Variants in GALNT1 observed in about 807,000 individuals in gnomAD.
GALNT1 encodes the protein polypeptide N-acetylgalactosaminyltransferase 1, also known as GalNAc transferase 1.
A neutral mutation model predicts 65.7 loss-of-function variants in GALNT1; 17 were observed. The observed-to-expected ratio is 0.26, with a 90% CI of 0.18 to 0.39. GALNT1 has a LOEUF of 0.39. Ranked by LOEUF, GALNT1 falls within the 10% of genes least tolerant of loss-of-function variation. The pLI is 1.00. For missense variants in GALNT1, 460 were observed against 672.8 expected (o/e 0.68, Z 3.50); for synonymous variants, 210 against 219.7 (o/e 0.96, Z 0.39).
chr18:35,618,672 ATT>A (rs1555645793), intron 1 of GALNT1, among the ~76,000 whole-genome samples: 1 of 152,096 alleles, frequency 6.6e-6, no homozygotes, highest in Non-Finnish European at 1.5e-5. Flanking sequence ...TTTTCCAACA[ATT>A]TACTTAACTT....
At chr18:35,695,700 T>G (rs750532504) in intron 9 of GALNT1, among the ~76,000 whole-genome samples, 17 of 152,176 alleles carry the variant, frequency 1.1e-4, no homozygotes, top group Non-Finnish European at 5.9e-5. Flanking sequence ...TTAAGGAATT[T>G]GTTTTCAAAC....
chr18:35,644,467 T>C (rs927866140), intron 1 of GALNT1, among the ~76,000 whole-genome samples: 1 of 152,206 alleles, frequency 6.6e-6, no homozygotes, highest in African/African-American at 2.4e-5. Flanking sequence ...CTTTGGCTAC[T>C]AGGGGTAAGC....
intron 1 of GALNT1, among the ~76,000 whole-genome samples, chr18:35,605,009 A>G (rs1412532261): frequency 6.6e-6 from 1 of 152,208 alleles, no homozygotes; most frequent in Non-Finnish European, 1.5e-5. Flanking sequence ...TTTACTTTTC[A>G]TCTCAGATAT....
At chr18:35,706,742 G>A (rs2048268859) in intron 11 of GALNT1, among the ~76,000 whole-genome samples, 1 of 152,128 alleles carries the variant, frequency 6.6e-6, no homozygotes, top group Non-Finnish European at 1.5e-5. Flanking sequence ...GAGAAGTTGA[G>A]TTGCAATGCA....
At chr18:35,697,151 G>A (rs1014592334) in intron 9 of GALNT1, among the ~76,000 whole-genome samples, 1 of 152,128 alleles carries the variant, frequency 6.6e-6, no homozygotes, top group African/African-American at 2.4e-5. Flanking sequence ...AAAACCAACG[G>A]TTACTGTGTG....
At position 35,612,280 on chromosome 18, in the gene GALNT1, C is replaced by T. The variant is rs114204591; in HGVS notation, c.-104+30418C>T. Reference sequence around the variant, plus strand: ...AATGAGTTAAAAATAGGGTACATCTCCATGAAAGATAGAAGGAGATATAAT... The same window carrying T: ...AATGAGTTAAAAATAGGGTACATCTTCATGAAAGATAGAAGGAGATATAAT... On this transcript the variant is annotated intron_variant, in intron 1 of 11. Coordinates refer to ENST00000269195, the MANE Select transcript of GALNT1 (RefSeq NM_020474.4). Among the ~76,000 whole-genome samples, 805 of 152,168 alleles carry T rather than the reference C, an allele frequency of 5.3e-3. 10 individuals carry two copies. The highest frequency in any genetic ancestry group is 0.018 in the African/African-American group (765 of 41,524).
chr18:35,677,134 GGAAGA>G (rs2047722429), intron 3 of GALNT1, among the ~76,000 whole-genome samples: 4 of 152,124 alleles, frequency 2.6e-5, no homozygotes, highest in Non-Finnish European at 4.4e-5. Context: ...AGAATGACTA[GGAAGA>G]GTAAGAGCCT....
At chr18:35,673,101 GT>G (rs1469045255) in intron 3 of GALNT1, among the ~76,000 whole-genome samples, 1 of 152,150 alleles carries the variant, frequency 6.6e-6, no homozygotes, top group African/African-American at 2.4e-5. Context: ...GAGAAATTTT[GT>G]AACATTGCCA....
At chr18:35,673,839 A>C (rs2144542376) in intron 3 of GALNT1, among the ~76,000 whole-genome samples, 1 of 152,358 alleles carries the variant, frequency 6.6e-6, no homozygotes, top group East Asian at 1.9e-4. Context: ...TGTGTTATTT[A>C]ATGACTGAGG....
chr18:35,709,509 A>G (rs1473955542), intron 11 of GALNT1, 115 bp from the exon 12 acceptor site: 2 of 969,722 alleles, frequency 2.1e-6, no homozygotes, highest in Non-Finnish European at 3.0e-6. Flanking sequence ...TGTCTTTTAA[A>G]TAATGTATAT....
At chr18:35,697,811 T>C (rs1057286388) in intron 9 of GALNT1, among the ~76,000 whole-genome samples, 3 of 152,232 alleles carry the variant, frequency 2.0e-5, no homozygotes, top group Non-Finnish European at 2.9e-5. Flanking sequence ...TATGATACTC[T>C]CAGTTTGTAC....
intron 1 of GALNT1, among the ~76,000 whole-genome samples, chr18:35,607,465 CTG>C (rs1356165883): frequency 6.6e-6 from 1 of 152,070 alleles, no homozygotes; most frequent in Non-Finnish European, 1.5e-5. Flanking sequence ...TGCATGCATG[CTG>C]TAGCATAGGA....
At chr18:35,619,617 G>T (rs2046826585) in intron 1 of GALNT1, among the ~76,000 whole-genome samples, 1 of 152,148 alleles carries the variant, frequency 6.6e-6, no homozygotes, top group Non-Finnish European at 1.5e-5. Flanking sequence ...CCATAGTCCA[G>T]CGCCAAGAGA....
intron 3 of GALNT1, among the ~76,000 whole-genome samples, chr18:35,670,072 T>C (rs777093620): frequency 4.6e-5 from 7 of 152,114 alleles, no homozygotes; most frequent in Non-Finnish European, 8.8e-5. Flanking sequence ...GGAAGATTGC[T>C]TGAGTCCAGG....
chr18:35,609,874 G>A (rs992828967), intron 1 of GALNT1, among the ~76,000 whole-genome samples: 1 of 152,160 alleles, frequency 6.6e-6, no homozygotes, highest in Non-Finnish European at 1.5e-5. Context: ...TAAAAATGAA[G>A]TTAATCCCTA....
intron 9 of GALNT1, among the ~76,000 whole-genome samples, chr18:35,695,040 A>C (rs1449065154): frequency 2.0e-5 from 3 of 152,232 alleles, no homozygotes; most frequent in African/African-American, 4.8e-5. Context: ...GAGTTACTTC[A>C]TGGGCATAGA....
intron 9 of GALNT1, 85 bp downstream of exon 9, chr18:35,692,405 C>A: frequency 2.4e-6 from 2 of 835,368 alleles, no homozygotes; most frequent in Non-Finnish European, 3.3e-6. Context: ...GTTAAACTTC[C>A]AATAAGGAAA....
chr18:35,652,502 C>T (rs2047324300), intron 1 of GALNT1, among the ~76,000 whole-genome samples: 2 of 152,122 alleles, frequency 1.3e-5, no homozygotes, highest in South Asian at 2.1e-4. Context: ...GTATGTATGC[C>T]TAACAAACCT....
chr18:35,648,974 G>A (rs2047273786), intron 1 of GALNT1, among the ~76,000 whole-genome samples: 1 of 152,172 alleles, frequency 6.6e-6, no homozygotes, highest in Admixed American at 6.5e-5. Flanking sequence ...AGTGCAATTT[G>A]TTTATCCATT....
Sources: allele counts gnomAD v4.1 joint callset (sites outside exome capture counted in the v4.1 genomes callset), GRCh38; gene constraint gnomAD v4.1.1; transcripts MANE v1.5; gene names NCBI Gene and HGNC (gene_info 2026-07-23, HGNC 2026-07-21).